The following TIAM2 variants were observed in gnomAD, a reference collection of about 807,000 sequenced individuals.
The protein encoded by TIAM2 is TIAM Rac1 associated GEF 2.
Under a neutral mutation model 152.9 loss-of-function variants are expected in TIAM2, and 80 were observed. The ratio of observed to expected loss-of-function variants is 0.52; its 90% confidence interval spans 0.44 to 0.63. The LOEUF (loss-of-function observed/expected upper bound fraction) is 0.63. Ranked by LOEUF, TIAM2 falls within the 30% of genes least tolerant of loss-of-function variation. The probability of loss-of-function intolerance (pLI) is 0.00; values close to 1 mark genes in which losing one functional copy is unlikely to be tolerated. For synonymous variants in TIAM2, 804 were observed against 838.0 expected (o/e 0.96, Z 0.70); for missense variants, 1,965 against 2,120.1 (o/e 0.93, Z 1.44).
chr6:155,187,573 C>CCTTTTTTTTTTTTTTTTTTTTTTTT (rs1189509294), intron 14 of TIAM2, among the ~76,000 whole-genome samples: 7 of 49,622 alleles, frequency 1.4e-4, no homozygotes, highest in Non-Finnish European at 1.8e-4. Flanking sequence ...ACCCCGCCCC[C>CCTTTTTTTTTTTTTTTTTTTTTTTT]TTTTTTTTTT....
Position 155,137,243 on chromosome 6 carries a change from C to G in TIAM2, c.1261C>G (p.Gln421Glu), listed in dbSNP as rs372709522. 4 of 1,614,060 alleles carry G rather than the reference C, an allele frequency of 2.5e-6. No homozygotes were observed. The highest frequency in any genetic ancestry group is 3.4e-6 in the Non-Finnish European group (4 of 1,180,042). ...CTCTGATGGACTGAATACAGATGTG[C>G]AGGGATCCTCCCAGGCATCTGCTTT... ...SRSDGLNTDV[Q>E]GSSQASAFLW... is the part of the protein sequence containing the mutation. Residue 421 changes from glutamine (Q) to glutamate (E), a missense_variant, in exon 5 of 27, where the codon CAG (glutamine) becomes GAG (glutamate). By Grantham distance (29) the Gln-to-Glu change is conservative. Around this residue, in one of 3 missense-constraint regions of TIAM2, gnomAD observed 1,025 missense variants for 1,119.4 expected, o/e 0.92. Transcript: ENST00000682666.
intron 8 of TIAM2, 77 bp downstream of exon 8, chr6:155,164,677 C>T: frequency 6.6e-7 from 1 of 1,517,290 alleles, no homozygotes; most frequent in South Asian, 1.2e-5. Flanking sequence ...AGCTTGTTGC[C>T]ATCGGCACTT....
At chr6:155,244,885 TATTGA>T (rs2115326286) in intron 18 of TIAM2, 102 bp downstream of exon 18, 2 of 1,352,882 alleles carry the variant, frequency 1.5e-6, no homozygotes, top group South Asian at 1.6e-5. Flanking sequence ...GTCCTGTGAC[TATTGA>T]CTATTTATTG....
chr6:155,085,126 A>G (rs866095334), intron 1 of TIAM2, among the ~76,000 whole-genome samples: 6 of 152,186 alleles, frequency 3.9e-5, no homozygotes, highest in Non-Finnish European at 5.9e-5. Context: ...CCTGGAAAAC[A>G]TCCCACTTTC....
At chr6:155,019,038 TAA>T (rs780102424) in intron 1 of TIAM2, among the ~76,000 whole-genome samples, 7 of 132,932 alleles carry the variant, frequency 5.3e-5, no homozygotes, top group Admixed American at 7.7e-5. Context: ...AGACTCCATC[TAA>T]AAAAAAAAAA....
intron 7 of TIAM2, among the ~76,000 whole-genome samples, chr6:155,152,701 G>C (rs1429533797): frequency 1.3e-5 from 2 of 152,056 alleles, no homozygotes; most frequent in African/African-American, 2.4e-5. Flanking sequence ...TAGTCGAAGG[G>C]ATGCCCAGCT....
At chr6:155,052,814 G>A (rs868563420) in intron 1 of TIAM2, among the ~76,000 whole-genome samples, 4 of 151,178 alleles carry the variant, frequency 2.6e-5, no homozygotes, top group Non-Finnish European at 4.4e-5. Context: ...AGCCTGATAT[G>A]CAACATAGGA....
intron 2 of TIAM2, among the ~76,000 whole-genome samples, chr6:155,092,889 AGTG>A (rs1778335674): frequency 6.6e-6 from 1 of 152,166 alleles, no homozygotes; most frequent in Non-Finnish European, 1.5e-5. Context: ...ATATTTGGGT[AGTG>A]GTCATTAAAT....
At chr6:155,173,851 G>T (rs1031448225) in intron 9 of TIAM2, among the ~76,000 whole-genome samples, 3 of 152,222 alleles carry the variant, frequency 2.0e-5, no homozygotes, top group African/African-American at 7.2e-5. Flanking sequence ...GGCAGAGAAA[G>T]GAGAGATAGG....
chr6:155,231,414 A>T (rs565466829), intron 15 of TIAM2, among the ~76,000 whole-genome samples: 1 of 152,346 alleles, frequency 6.6e-6, no homozygotes, highest in African/African-American at 2.4e-5. Flanking sequence ...TAAAAATTTC[A>T]TACAATTTCC....
chr6:155,172,171 C>T (rs973445751), intron 9 of TIAM2, among the ~76,000 whole-genome samples: 1 of 152,126 alleles, frequency 6.6e-6, no homozygotes, highest in Non-Finnish European at 1.5e-5. Flanking sequence ...AAGTGATTTG[C>T]AGACGTTCAC....
chr6:155,208,305 C>T (rs1781639322), intron 14 of TIAM2, among the ~76,000 whole-genome samples: 1 of 152,044 alleles, frequency 6.6e-6, no homozygotes. Flanking sequence ...TTTTGACGGC[C>T]TTATACTTCT....
intron 1 of TIAM2, among the ~76,000 whole-genome samples, chr6:155,035,193 T>TTC (rs1396804088): frequency 6.6e-6 from 1 of 151,360 alleles, no homozygotes; most frequent in Non-Finnish European, 1.5e-5. Context: ...GTTTTGCTGT[T>TTC]TTTTTTATTC....
chr6:155,021,990 C>T (rs2114866655), intron 1 of TIAM2, among the ~76,000 whole-genome samples: 1 of 152,316 alleles, frequency 6.6e-6, no homozygotes, highest in Non-Finnish European at 1.5e-5. Flanking sequence ...TGCTGTTTAC[C>T]TCACAGTTTA....
chr6:155,205,014 G>T (rs1347719301), intron 14 of TIAM2, among the ~76,000 whole-genome samples: 2 of 151,880 alleles, frequency 1.3e-5, no homozygotes, highest in South Asian at 2.1e-4. Context: ...ACTCCTGAGA[G>T]CCCTTTTTAT....
chr6:155,103,278 CAGTAA>C (rs1778588564), intron 2 of TIAM2, among the ~76,000 whole-genome samples: 1 of 152,090 alleles, frequency 6.6e-6, no homozygotes, highest in Non-Finnish European at 1.5e-5. Flanking sequence ...TGGGTGACCT[CAGTAA>C]TAAAAAATGA....
intron 15 of TIAM2, among the ~76,000 whole-genome samples, chr6:155,223,527 C>CTTTTTT (rs11385281): frequency 1.5e-5 from 2 of 130,868 alleles, no homozygotes; most frequent in Non-Finnish European, 3.1e-5. Context: ...ATTTTTTTTT[C>CTTTTTT]TTTTTTTTTT....
intron 7 of TIAM2, among the ~76,000 whole-genome samples, chr6:155,157,911 G>A (rs1382325771): frequency 6.6e-6 from 1 of 152,174 alleles, no homozygotes; most frequent in Non-Finnish European, 1.5e-5. Flanking sequence ...ATAAAACTGA[G>A]TGAATTTTTG....
At chr6:155,075,150 G>A (rs948726398) in intron 1 of TIAM2, among the ~76,000 whole-genome samples, 2 of 152,102 alleles carry the variant, frequency 1.3e-5, no homozygotes, top group East Asian at 3.9e-4. Flanking sequence ...TGTAGGAGGT[G>A]AGGGGAGGCT....
Sources: gnomAD v4.1 joint callset for allele counts (sites outside exome capture counted in the v4.1 genomes callset) on GRCh38, gnomAD v4.1.1 for gene constraint, gnomAD v4.1.1 regional missense constraint, MANE v1.5 for transcripts, NCBI Gene and HGNC (gene_info 2026-07-23, HGNC 2026-07-21) for gene names.